JAZF1: variants seen among roughly 807,000 people sequenced by gnomAD.
JAZF1 encodes juxtaposed with another zinc finger protein 1.
A neutral mutation model predicts 26.4 loss-of-function variants in JAZF1; 8 were observed. That is an observed-to-expected ratio of 0.30 (90% CI 0.18 to 0.55). JAZF1 has a LOEUF of 0.55. Among genes scored for constraint, JAZF1 ranks in the 20% least tolerant of loss-of-function variants. The pLI, the probability that JAZF1 is intolerant of heterozygous loss-of-function variation, is 0.94. For missense variants in JAZF1, 199 were observed against 322.0 expected (o/e 0.62, Z 2.92); for synonymous variants, 126 against 122.3 (o/e 1.03, Z -0.20).
chr7:27,960,039 C>T (rs1422584141), intron 2 of JAZF1, among the ~76,000 whole-genome samples: 2 of 152,150 alleles, frequency 1.3e-5, no homozygotes, highest in Non-Finnish European at 2.9e-5. Context: ...GAGTGAAATA[C>T]TGCTACCTTG....
At chr7:28,048,063 GA>G (rs1783527455) in intron 1 of JAZF1, among the ~76,000 whole-genome samples, 1 of 152,140 alleles carries the variant, frequency 6.6e-6, no homozygotes, top group South Asian at 2.1e-4. Flanking sequence ...CTACTTTTCA[GA>G]AAGAATTAGA....
chr7:27,855,193 A>G (rs1286963165), intron 3 of JAZF1, among the ~76,000 whole-genome samples: 1 of 152,076 alleles, frequency 6.6e-6, no homozygotes, highest in Non-Finnish European at 1.5e-5. Context: ...AAGACACACA[A>G]TGTATCAGAA....
intron 3 of JAZF1, among the ~76,000 whole-genome samples, chr7:27,846,045 C>T (rs545236875): frequency 7.6e-4 from 116 of 152,230 alleles, no homozygotes; most frequent in Non-Finnish European, 1.3e-3. Context: ...AGCTTTCTCA[C>T]CACTACCACA....
intron 1 of JAZF1, among the ~76,000 whole-genome samples, chr7:28,061,445 A>G (rs1209784131): frequency 1.3e-5 from 2 of 152,210 alleles, no homozygotes; most frequent in Admixed American, 1.3e-4. Flanking sequence ...TGGCAGACAC[A>G]CTCCGCTGAA....
chr7:28,098,629 CT>C (rs1335546605), intron 1 of JAZF1, among the ~76,000 whole-genome samples: 1 of 152,178 alleles, frequency 6.6e-6, no homozygotes, highest in Non-Finnish European at 1.5e-5. Flanking sequence ...TAGATTCTAG[CT>C]CCTTTGAACT....
rs553403118 is a variant in JAZF1 at position 27,955,615 on chromosome 7, G to A, written c.188+36294C>T. Among the ~76,000 whole-genome samples the A allele has an allele frequency of 1.2e-4, 19 of 152,300 alleles. 1 individual carries two copies. In the South Asian group the frequency reaches 3.5e-3, roughly 28 times the overall value. On this transcript the variant is annotated intron_variant, in intron 2 of 4. Transcript: ENST00000283928. ...GCAACTGCTTACTGGGAATCACGGA[G>A]AGGCTTCTTTCTCCACCCTCTCAGT... is the stretch of plus-strand genomic sequence containing the variant.
At chr7:27,849,752 GAC>G (rs72394231) in intron 3 of JAZF1, among the ~76,000 whole-genome samples, 32,617 of 108,342 alleles carry the variant, frequency 0.3, 4,177 homozygotes, top group East Asian at 0.53. Context: ...CTTACACACA[GAC>G]ACACACACAC....
intron 2 of JAZF1, among the ~76,000 whole-genome samples, chr7:27,971,462 TGC>T (rs1696036481): frequency 6.6e-6 from 1 of 152,190 alleles, no homozygotes; most frequent in South Asian, 2.1e-4. Context: ...TTTTAAAGCT[TGC>T]CAGTGAGAGA....
chr7:28,145,718 T>TAA (rs576911852), intron 1 of JAZF1, among the ~76,000 whole-genome samples: 3,294 of 146,524 alleles, frequency 0.022, 132 homozygotes, highest in African/African-American at 0.076. Context: ...ACCACCACAA[T>TAA]AAAAAAAAAA....
At chr7:28,178,831 G>A (rs1024701575) in intron 1 of JAZF1, among the ~76,000 whole-genome samples, 1 of 152,170 alleles carries the variant, frequency 6.6e-6, no homozygotes, top group South Asian at 2.1e-4. Flanking sequence ...TTACAAGGAC[G>A]CCTGAAAACT....
intron 3 of JAZF1, chr7:27,843,066 G>C (rs1782953342): frequency 6.6e-6 from 1 of 152,336 alleles, no homozygotes; most frequent in South Asian, 2.1e-4. Context: ...GGGCAGGAAG[G>C]GGACACACAG....
chr7:28,053,245 A>T (rs1783644639), intron 1 of JAZF1, among the ~76,000 whole-genome samples: 1 of 152,102 alleles, frequency 6.6e-6, no homozygotes, highest in Admixed American at 6.5e-5. Flanking sequence ...GGTTGCTTGT[A>T]CTCCTTGGCT....
At chr7:28,059,928 G>A (rs1182692230) in intron 1 of JAZF1, among the ~76,000 whole-genome samples, 2 of 152,014 alleles carry the variant, frequency 1.3e-5, no homozygotes, top group African/African-American at 2.4e-5. Context: ...CTAGGCATAC[G>A]GATCTCTTTT....
intron 1 of JAZF1, among the ~76,000 whole-genome samples, chr7:28,132,750 G>A (rs1056509910): frequency 2.6e-5 from 4 of 152,100 alleles, no homozygotes; most frequent in African/African-American, 9.7e-5. Flanking sequence ...TCCTCCAACT[G>A]CAGGTGAAAC....
intron 3 of JAZF1, among the ~76,000 whole-genome samples, chr7:27,885,065 C>A (rs546742601): frequency 6.6e-6 from 1 of 152,154 alleles, no homozygotes; most frequent in East Asian, 1.9e-4. Context: ...AAAACTCCCC[C>A]GGTTCTAAAG....
rs187502261 is a variant in JAZF1 at position 28,026,725 on chromosome 7, C to T, written c.116-34744G>A. On this transcript the variant is annotated intron_variant, in intron 1 of 4. Transcript: ENST00000283928. The stretch of plus-strand genomic sequence containing the variant: ...TTGCCCCTAACACAGAACTCTATAC[C>T]CAGTAGTCATTTACTAAACGTTCTC... 5.2e-3 allele frequency among the ~76,000 whole-genome samples: 793 copies of T among 152,244 alleles called. 4 individuals carry two copies. Among genetic ancestry groups the T allele is most frequent in the Middle Eastern group, 0.014 (4 of 294 alleles).
intron 1 of JAZF1, among the ~76,000 whole-genome samples, chr7:28,080,298 C>T (rs528443621): frequency 6.6e-6 from 1 of 152,328 alleles, no homozygotes; most frequent in Admixed American, 6.5e-5. Flanking sequence ...CTGGATCAGG[C>T]TTTGGCTTAC....
intron 1 of JAZF1, among the ~76,000 whole-genome samples, chr7:28,164,580 G>A (rs535921987): frequency 6.6e-6 from 1 of 152,150 alleles, no homozygotes; most frequent in East Asian, 1.9e-4. Flanking sequence ...AGATGTGAAA[G>A]AAAAAAACTG....
chr7:27,994,902 T>C (rs772201960), intron 1 of JAZF1, among the ~76,000 whole-genome samples: 13 of 152,276 alleles, frequency 8.5e-5, no homozygotes, highest in Non-Finnish European at 1.8e-4. Flanking sequence ...AATGTAACTG[T>C]CTGATGCTAA....
Sources: allele counts gnomAD v4.1 joint callset (sites outside exome capture counted in the v4.1 genomes callset), GRCh38; gene constraint gnomAD v4.1.1; transcripts MANE v1.5; gene names NCBI Gene and HGNC (gene_info 2026-07-23, HGNC 2026-07-21).